OPCML: variants seen among roughly 807,000 people sequenced by gnomAD.
OPCML encodes opioid binding protein/cell adhesion molecule like.
Under a neutral mutation model 37.8 loss-of-function variants are expected in OPCML, and 13 were observed. The ratio of observed to expected loss-of-function variants is 0.34; its 90% CI spans 0.22 to 0.55. OPCML has a LOEUF of 0.55. OPCML is among the 20% of genes least tolerant of loss of function. OPCML has a pLI of 0.91. For missense variants in OPCML, 341 were observed against 435.6 expected (o/e 0.78, Z 1.93); for synonymous variants, 176 against 168.8 (o/e 1.04, Z -0.33).
At chr11:133,016,195 C>T (rs1268739804) in intron 1 of OPCML, among the ~76,000 whole-genome samples, 2 of 152,140 alleles carry the variant, frequency 1.3e-5, no homozygotes, top group African/African-American at 4.8e-5. Flanking sequence ...TCAGAAGCCC[C>T]GTGGGCTCGG....
At chr11:132,757,767 A>C (rs1946107339) in intron 2 of OPCML, among the ~76,000 whole-genome samples, 1 of 152,144 alleles carries the variant, frequency 6.6e-6, no homozygotes, top group South Asian at 2.1e-4. Flanking sequence ...CTCTGATGAC[A>C]GTTTCTTTTG....
intron 1 of OPCML, among the ~76,000 whole-genome samples, chr11:133,411,706 G>C (rs2136868758): frequency 6.6e-6 from 1 of 152,280 alleles, no homozygotes; most frequent in South Asian, 2.1e-4. Context: ...ATTTATCAAT[G>C]AGCAAGTGCC....
rs972859371 is a variant in OPCML, at chr11:133,202,861, C to T, written c.62-259851G>A. On this transcript the variant is annotated intron_variant, in intron 1 of 7. Coordinates refer to ENST00000524381, the MANE Select transcript of OPCML (RefSeq NM_001012393.5). ...GCAGGTGGCCATGAGAATACATAGGCTTTGAAGCCTCCCTCCCGGACATGC... is the reference window on the plus strand; with the variant it reads ...GCAGGTGGCCATGAGAATACATAGGTTTTGAAGCCTCCCTCCCGGACATGC... Among the ~76,000 whole-genome samples the T allele has an allele frequency of 2.0e-5, 3 of 152,208 alleles. No homozygotes were observed. In the South Asian group the frequency reaches 6.2e-4, roughly 32 times the overall value.
At chr11:132,606,605 C>T (rs1938312473) in intron 3 of OPCML, among the ~76,000 whole-genome samples, 1 of 152,190 alleles carries the variant, frequency 6.6e-6, no homozygotes, top group Non-Finnish European at 1.5e-5. Flanking sequence ...GTAAAGCCAT[C>T]CTGCAAGGAT....
intron 2 of OPCML, among the ~76,000 whole-genome samples, chr11:132,863,764 C>T (rs910860850): frequency 2.0e-5 from 3 of 152,080 alleles, no homozygotes; most frequent in South Asian, 2.1e-4. Context: ...TCCTAGAGGC[C>T]GGGAGGAATC....
chr11:132,532,028 C>A (rs554820869), intron 3 of OPCML, among the ~76,000 whole-genome samples: 1 of 152,230 alleles, frequency 6.6e-6, no homozygotes, highest in African/African-American at 2.4e-5. Flanking sequence ...CAGGATAGAA[C>A]TCAGCACAGC....
intron 1 of OPCML, among the ~76,000 whole-genome samples, chr11:133,060,605 T>C (rs1169764440): frequency 1.3e-5 from 2 of 152,206 alleles, no homozygotes; most frequent in East Asian, 3.9e-4. Flanking sequence ...CCCAGGTCCC[T>C]GCTCCTACTG....
intron 1 of OPCML, among the ~76,000 whole-genome samples, chr11:133,281,029 G>A (rs374364082): frequency 6.6e-6 from 1 of 152,158 alleles, no homozygotes; most frequent in Non-Finnish European, 1.5e-5. Flanking sequence ...AGAGGCACTG[G>A]AGAAATTGTC....
chr11:132,627,498 G>T (rs1206453522), intron 3 of OPCML, among the ~76,000 whole-genome samples: 1 of 152,216 alleles, frequency 6.6e-6, no homozygotes, highest in Non-Finnish European at 1.5e-5. Flanking sequence ...TTACACTATG[G>T]TGGTGGAGAC....
chr11:133,434,740 A>G (rs1012443396), intron 1 of OPCML, among the ~76,000 whole-genome samples: 1 of 149,542 alleles, frequency 6.7e-6, no homozygotes, highest in Non-Finnish European at 1.5e-5. Flanking sequence ...AATGAAGAGA[A>G]AAATAAGTAG....
At chr11:133,382,644 T>G (rs901570343) in intron 1 of OPCML, among the ~76,000 whole-genome samples, 2 of 152,184 alleles carry the variant, frequency 1.3e-5, no homozygotes, top group South Asian at 4.1e-4. Context: ...CACACCCAGA[T>G]TCACCCCTCA....
At chr11:132,457,626 C>A (rs1435344987) in intron 4 of OPCML, among the ~76,000 whole-genome samples, 2 of 152,146 alleles carry the variant, frequency 1.3e-5, no homozygotes, top group East Asian at 3.9e-4. Context: ...GACCTCCATC[C>A]ACTAAAAAGT....
At chr11:132,473,135 G>C (rs957449988) in intron 4 of OPCML, among the ~76,000 whole-genome samples, 13 of 152,192 alleles carry the variant, frequency 8.5e-5, no homozygotes, top group Non-Finnish European at 1.9e-4. Context: ...TAAGGACAAG[G>C]GGTGCCAAAC....
intron 1 of OPCML, among the ~76,000 whole-genome samples, chr11:133,109,491 A>T (rs1315648357): frequency 1.3e-5 from 2 of 152,142 alleles, no homozygotes; most frequent in East Asian, 3.9e-4. Context: ...CAGAGCACTG[A>T]CTGGTGCGTT....
chr11:133,373,050 A>G (rs1944707363), intron 1 of OPCML, among the ~76,000 whole-genome samples: 1 of 152,156 alleles, frequency 6.6e-6, no homozygotes, highest in South Asian at 2.1e-4. Context: ...AAGTTTCAAA[A>G]AAAGAAAAGA....
At chr11:133,528,312 G>A (rs1391003620) in intron 1 of OPCML, among the ~76,000 whole-genome samples, 1 of 152,208 alleles carries the variant, frequency 6.6e-6, no homozygotes, top group African/African-American at 2.4e-5. Context: ...CATTTTTAAG[G>A]GATTGAGGGC....
chr11:133,016,535 C>T (rs1400786234), intron 1 of OPCML, among the ~76,000 whole-genome samples: 5 of 152,204 alleles, frequency 3.3e-5, no homozygotes, highest in Non-Finnish European at 7.3e-5. Flanking sequence ...TATGATGACA[C>T]TGAGCCCACT....
chr11:132,923,971 C>T (rs1034543534), intron 2 of OPCML, among the ~76,000 whole-genome samples: 1 of 151,774 alleles, frequency 6.6e-6, no homozygotes, highest in African/African-American at 2.4e-5. Flanking sequence ...CCATGTTGGT[C>T]AGGCTGGTCT....
chr11:133,371,518 C>A (rs2136752618), intron 1 of OPCML, among the ~76,000 whole-genome samples: 1 of 152,274 alleles, frequency 6.6e-6, no homozygotes, highest in Non-Finnish European at 1.5e-5. Context: ...GGGGCAGTTT[C>A]CCTCATGCTG....
Sources: gnomAD v4.1 joint callset for allele counts (sites outside exome capture counted in the v4.1 genomes callset) on GRCh38, gnomAD v4.1.1 for gene constraint, MANE v1.5 for transcripts, NCBI Gene and HGNC (gene_info 2026-07-23, HGNC 2026-07-21) for gene names.